Variants in RGS3 observed in about 807,000 individuals in gnomAD.
RGS3 encodes the protein regulator of G protein signaling 3.
A neutral mutation model predicts 132.6 loss-of-function variants in RGS3; 80 were observed. The ratio of observed to expected loss-of-function variants is 0.60; its 90% CI spans 0.50 to 0.73. The LOEUF is 0.73. Among genes scored for constraint, RGS3 ranks in the 30% least tolerant of loss-of-function variants. RGS3 has a pLI of 0.00. For missense variants in RGS3, 1,382 were observed against 1,530.8 expected, an observed-to-expected ratio of 0.90 and a Z score of 1.62; for synonymous variants, 598 against 620.6, an observed-to-expected ratio of 0.96 and a Z score of 0.54.
chr9:113,481,703 C>T (rs1830163477), intron 4 of RGS3, among the ~76,000 whole-genome samples: 1 of 152,212 alleles, frequency 6.6e-6, no homozygotes, highest in Non-Finnish European at 1.5e-5. Flanking sequence ...AGGCCTTGCA[C>T]CTCAGACTAC....
chr9:113,596,690 G>T (rs1377878728), intron 24 of RGS3, 78 bp from the exon 23 acceptor site: 1 of 1,275,346 alleles, frequency 7.8e-7, no homozygotes, highest in Non-Finnish European at 1.1e-6. Flanking sequence ...GAGGCTGGAT[G>T]GGTCCCTTCC....
At chr9:113,536,595 G>A in intron 18 of RGS3, 1 of 1,409,814 alleles carries the variant, frequency 7.1e-7, no homozygotes, top group Non-Finnish European at 9.3e-7. Flanking sequence ...CAGCTCGCCA[G>A]CTGGCCCTTG....
chr9:113,541,217 AG>A, intron 19 of RGS3: 1 of 1,231,526 alleles, frequency 8.1e-7, no homozygotes, highest in Admixed American at 2.1e-5. Context: ...TGGAGATGCC[AG>A]GGTGTGTGAG....
In RGS3 at chr9:113,565,308, T is replaced by G; in HGVS notation, c.2038-18142T>G. 7.8e-7 allele frequency: 1 copy of G among 1,289,430 alleles called. No individual in the cohort carries two copies. Among genetic ancestry groups the G allele is most frequent in the Admixed American group, 2.3e-5 (1 of 43,530 alleles). The allele number at this position is 1,289,430 out of a possible 1,614,324, so 79.9% of individuals were successfully genotyped here. ...AGAAACCACAGAGTTTTCTGTTTAA[T>G]GGAAGAAAGAAATCCAGCCTCTCTC... On this transcript the variant is annotated intron_variant, in intron 19 of 24. Coordinates refer to ENST00000350696, the Ensembl canonical transcript of RGS3. The surrounding 1 kb of genome is among the most constrained non-coding windows in gnomAD (Gnocchi z 5.7).
chr9:113,535,696 G>A (rs1832648719), intron 18 of RGS3, among the ~76,000 whole-genome samples: 1 of 151,618 alleles, frequency 6.6e-6, no homozygotes, highest in Non-Finnish European at 1.5e-5. Context: ...AATGAGAAAG[G>A]GCTGGATAGA....
intron 19 of RGS3, among the ~76,000 whole-genome samples, chr9:113,561,368 CCTTTT>C (rs1291537037): frequency 4.0e-5 from 6 of 151,620 alleles, no homozygotes; most frequent in East Asian, 3.9e-4. Flanking sequence ...TCTTTCCTTT[CCTTTT>C]CTTTTCTTTC....
rs73655866 is a variant in RGS3, at chr9:113,526,770, G to A, written c.1871-2451G>A. 4.7e-3 allele frequency among the ~76,000 whole-genome samples: 710 copies of A among 152,286 alleles called. 5 individuals carry two copies. Among genetic ancestry groups the A allele is most frequent in the African/African-American group, 0.017 (686 of 41,552 alleles). Reference sequence around the variant, plus strand: ...CCTGCATGGTCCATGTATTCCTTGCGGGAAGCGAGGTCCACTCTGGAACCC... The same window carrying A: ...CCTGCATGGTCCATGTATTCCTTGCAGGAAGCGAGGTCCACTCTGGAACCC... On this transcript the variant is annotated intron_variant, in intron 17 of 24. Coordinates refer to ENST00000350696, the Ensembl canonical transcript of RGS3.
chr9:113,535,852 G>A (rs930000517), intron 18 of RGS3, among the ~76,000 whole-genome samples: 6 of 152,260 alleles, frequency 3.9e-5, no homozygotes, highest in African/African-American at 9.6e-5. Flanking sequence ...GAGAGTACCC[G>A]GTTGTGGGTG....
rs1448363282 is a variant in RGS3 at position 113,506,106 on chromosome 9, G to A, written c.980-282G>A. 1.3e-5 allele frequency among the ~76,000 whole-genome samples: 2 copies of A among 152,060 alleles called. No homozygotes were observed. The highest frequency in any genetic ancestry group is 2.4e-5 in the African/African-American group (1 of 41,392). ...ATGGGGTAGGAGGCCCTGGGGAGGG[G>A]TAAGGGCCCGGGTAGAAGGGTGGAC... On this transcript the variant is annotated intron_variant, in intron 11 of 24. Transcript: ENST00000350696. The surrounding 1 kb of genome is among the most constrained non-coding windows in gnomAD (Gnocchi z 4.7).
rs771025111 is a variant in RGS3 at position 113,495,775 on chromosome 9, TG to T, written c.690-10del. 6.2e-7 allele frequency: 1 copy of T among 1,613,724 alleles called. No individual in the cohort carries two copies. The highest frequency in any genetic ancestry group is 8.5e-7 in the Non-Finnish European group (1 of 1,179,730). On this transcript the variant is annotated splice_polypyrimidine_tract_variant and intron_variant, in intron 7 of 24. Transcript: ENST00000350696. ...AAAAAATGCTGACTCAAGTCTCACT[TG>T]TTCTCCCAGACAGAGTGGACTCATT...
At chr9:113,524,234 C>T (rs758880053) in intron 17 of RGS3, among the ~76,000 whole-genome samples, 1 of 152,236 alleles carries the variant, frequency 6.6e-6, no homozygotes, top group Non-Finnish European at 1.5e-5. Flanking sequence ...GGCTCCCTCA[C>T]ACCCAGCTTC....
chr9:113,576,892 G>A (rs946553835), intron 19 of RGS3, among the ~76,000 whole-genome samples: 2 of 152,254 alleles, frequency 1.3e-5, no homozygotes, highest in Non-Finnish European at 2.9e-5. Context: ...CATCCTGGTG[G>A]GGGATGACAG....
At chr9:113,494,804 T>C (rs2119269911) in intron 7 of RGS3, among the ~76,000 whole-genome samples, 1 of 152,296 alleles carries the variant, frequency 6.6e-6, no homozygotes, top group Middle Eastern at 3.4e-3. Flanking sequence ...CTGCCAACTC[T>C]TAGTCCCTGA....
At chr9:113,576,720 A>G (rs1834544714) in intron 19 of RGS3, among the ~76,000 whole-genome samples, 1 of 152,220 alleles carries the variant, frequency 6.6e-6, no homozygotes, top group Non-Finnish European at 1.5e-5. Context: ...AGGGTCTTCC[A>G]GGGCTACAGA....
At chr9:113,595,646 G>A (rs1305379671) in exon 24 of RGS3, 1 of 1,614,086 alleles carries the variant, frequency 6.2e-7, no homozygotes, top group Non-Finnish European at 8.5e-7. Context: ...GTTCAGTGAG[G>A]AGAATCTGGA....
At chr9:113,581,332 G>A (rs1330720473) in intron 19 of RGS3, 1 of 152,210 alleles carries the variant, frequency 6.6e-6, no homozygotes, top group Non-Finnish European at 1.5e-5. Context: ...GGGTCTTTCT[G>A]TCCACCTGGG....
chr9:113,521,305 A>G lies in RGS3; in HGVS notation c.1759-1625A>G, dbSNP rs1198442340. Among the ~76,000 whole-genome samples, 3 of 152,186 alleles carry G rather than the reference A, an allele frequency of 2.0e-5. No individual in the cohort carries two copies. In the East Asian group the frequency reaches 5.8e-4, roughly 29 times the overall value. ...CCTCAAGCCTCTGTATTTGTGCTAC[A>G]CTCAAGAAGCCAAGCCATATTTTGA... On this transcript the variant is annotated intron_variant, in intron 16 of 24. Coordinates refer to ENST00000350696, the Ensembl canonical transcript of RGS3.
At chr9:113,562,429 A>G (rs144230401) in intron 19 of RGS3, among the ~76,000 whole-genome samples, 2,267 of 150,086 alleles carry the variant, frequency 0.015, 64 homozygotes, top group African/African-American at 0.053. Context: ...GTGAGCCAAG[A>G]TCGTGCCACT....
chr9:113,539,066 C>G (rs1483409284), intron 19 of RGS3, among the ~76,000 whole-genome samples: 1 of 152,234 alleles, frequency 6.6e-6, no homozygotes, highest in Non-Finnish European at 1.5e-5. Flanking sequence ...TAAATAGATT[C>G]TCTCCAGCCC....
Sources: gnomAD v4.1 joint callset for allele counts (sites outside exome capture counted in the v4.1 genomes callset) on GRCh38, gnomAD v4.1.1 for gene constraint, Gnocchi (gnomAD v3.1) non-coding constraint, MANE v1.5 for transcripts, NCBI Gene and HGNC (gene_info 2026-07-23, HGNC 2026-07-21) for gene names.